PCDH9: variants seen among roughly 807,000 people sequenced by gnomAD.
PCDH9 encodes the protein protocadherin-9.
PCDH9 carries 24 observed loss-of-function variants against 70.6 expected under a neutral mutation model. The observed-to-expected ratio is 0.34, with a 90% CI of 0.25 to 0.48. The LOEUF (loss-of-function observed/expected upper bound fraction) is 0.48, where lower values mean the gene tolerates loss of function less well. Among genes scored for constraint, PCDH9 ranks in the 20% least tolerant of loss-of-function variants. The probability of loss-of-function intolerance (pLI) is 0.99; values close to 1 mark genes in which losing one functional copy is unlikely to be tolerated. For missense variants in PCDH9, 1,281 were observed against 1,503.6 expected, an observed-to-expected ratio of 0.85 and a Z score of 2.45; for synonymous variants, 562 against 558.5, an observed-to-expected ratio of 1.01 and a Z score of -0.09.
intron 2 of PCDH9, among the ~76,000 whole-genome samples, chr13:66,950,479 A>T (rs2083161410): frequency 1.3e-5 from 2 of 152,036 alleles, no homozygotes; most frequent in South Asian, 4.1e-4. Context: ...TCTTCATAAA[A>T]GATATATGTG....
chr13:66,673,090 T>C (rs2078198804), intron 3 of PCDH9, among the ~76,000 whole-genome samples: 2 of 152,242 alleles, frequency 1.3e-5, no homozygotes, highest in South Asian at 2.1e-4. Flanking sequence ...CAGGGCAAAA[T>C]GATATGGTTC....
intron 3 of PCDH9, among the ~76,000 whole-genome samples, chr13:66,803,557 C>A (rs1026547124): frequency 2.0e-5 from 3 of 152,138 alleles, no homozygotes; most frequent in African/African-American, 7.2e-5. Context: ...AATCACAAAA[C>A]CACTTGTTCA....
At chr13:67,182,905 G>A (rs938440124) in intron 2 of PCDH9, among the ~76,000 whole-genome samples, 2 of 152,118 alleles carry the variant, frequency 1.3e-5, no homozygotes, top group Non-Finnish European at 2.9e-5. Flanking sequence ...ATGTAGGAAG[G>A]ATCTAAATTC....
At chr13:66,314,032 C>T (rs1174381860) in intron 4 of PCDH9, among the ~76,000 whole-genome samples, 1 of 152,122 alleles carries the variant, frequency 6.6e-6, no homozygotes. Context: ...ATTAATATAT[C>T]ACAGCTCAGT....
intron 4 of PCDH9, among the ~76,000 whole-genome samples, chr13:66,396,703 G>C (rs1957107733): frequency 6.6e-6 from 1 of 152,164 alleles, no homozygotes; most frequent in African/African-American, 2.4e-5. Flanking sequence ...CACATACCAA[G>C]TTTACAGATG....
chr13:67,016,472 T>C (rs2084563876), intron 2 of PCDH9, among the ~76,000 whole-genome samples: 1 of 152,166 alleles, frequency 6.6e-6, no homozygotes, highest in South Asian at 2.1e-4. Context: ...ATAAATTGGA[T>C]TCACAAATAA....
intron 3 of PCDH9, among the ~76,000 whole-genome samples, chr13:66,650,098 C>G (rs1321379767): frequency 6.6e-6 from 1 of 151,512 alleles, no homozygotes; most frequent in Non-Finnish European, 1.5e-5. Flanking sequence ...ACAAAACAAC[C>G]AGAATACAAC....
intron 4 of PCDH9, among the ~76,000 whole-genome samples, chr13:66,335,472 T>G (rs1158832218): frequency 1.3e-5 from 2 of 152,240 alleles, no homozygotes; most frequent in East Asian, 1.9e-4. Flanking sequence ...AATGCTAACA[T>G]TTTTGCAGTA....
chr13:66,935,894 C>A (rs551509260), intron 2 of PCDH9, among the ~76,000 whole-genome samples: 10 of 151,870 alleles, frequency 6.6e-5, no homozygotes, highest in African/African-American at 1.9e-4. Context: ...TCCTGGCCAA[C>A]ATGGTGAAAC....
chr13:66,788,911 T>A (rs2080122200), intron 3 of PCDH9, among the ~76,000 whole-genome samples: 1 of 152,110 alleles, frequency 6.6e-6, no homozygotes, highest in South Asian at 2.1e-4. Flanking sequence ...TGTAGAATTG[T>A]CCTGGTTTTC....
At chr13:66,400,905 G>T (rs1452038482) in intron 4 of PCDH9, among the ~76,000 whole-genome samples, 2 of 152,288 alleles carry the variant, frequency 1.3e-5, no homozygotes, top group African/African-American at 4.8e-5. Flanking sequence ...GTTAAGACGA[G>T]TCCACCAGGG....
chr13:66,519,878 C>T (rs1392907307), intron 4 of PCDH9, among the ~76,000 whole-genome samples: 6 of 150,926 alleles, frequency 4.0e-5, no homozygotes, highest in African/African-American at 7.3e-5. Context: ...GACTGGTCGA[C>T]GGCAGTCCTA....
intron 3 of PCDH9, among the ~76,000 whole-genome samples, chr13:66,717,527 C>A (rs1375462523): frequency 8.3e-6 from 1 of 120,504 alleles, no homozygotes; most frequent in Non-Finnish European, 1.6e-5. Flanking sequence ...GTATAGGCTA[C>A]AAACCTTAGT....
chr13:66,896,473 T>C (rs955405735), intron 3 of PCDH9, among the ~76,000 whole-genome samples: 14 of 152,126 alleles, frequency 9.2e-5, no homozygotes, highest in African/African-American at 1.2e-4. Context: ...GAGGCTATTA[T>C]ATGTAAAATT....
intron 2 of PCDH9, among the ~76,000 whole-genome samples, chr13:67,110,292 G>A (rs2086631681): frequency 6.6e-6 from 1 of 151,940 alleles, no homozygotes; most frequent in Admixed American, 6.6e-5. Flanking sequence ...GGGAGGCCAA[G>A]GAAGGTGGAT....
At chr13:66,472,211 CAA>C (rs34935198) in intron 4 of PCDH9, among the ~76,000 whole-genome samples, 3,990 of 112,282 alleles carry the variant, frequency 0.036, 105 homozygotes, top group Admixed American at 0.086. Context: ...GACTCCATCT[CAA>C]AAAAAAAAAA....
intron 3 of PCDH9, among the ~76,000 whole-genome samples, chr13:66,889,849 C>T (rs1418213977): frequency 6.6e-6 from 1 of 152,016 alleles, no homozygotes; most frequent in Admixed American, 6.6e-5. Flanking sequence ...CTATGTACAT[C>T]GCTTTTTGGC....
chr13:66,306,549 T>C (rs1955469759), intron 4 of PCDH9, among the ~76,000 whole-genome samples: 1 of 151,328 alleles, frequency 6.6e-6, no homozygotes, highest in African/African-American at 2.4e-5. Flanking sequence ...AAAAAAATTG[T>C]TTAAAAACAG....
intron 2 of PCDH9, among the ~76,000 whole-genome samples, chr13:67,027,397 C>T (rs1343695147): frequency 1.3e-5 from 2 of 152,174 alleles, no homozygotes. Flanking sequence ...CCCTTCCTTA[C>T]ACCTTATACA....
Sources: gnomAD v4.1 joint callset for allele counts (sites outside exome capture counted in the v4.1 genomes callset) on GRCh38, gnomAD v4.1.1 for gene constraint, MANE v1.5 for transcripts, NCBI Gene and HGNC (gene_info 2026-07-23, HGNC 2026-07-21) for gene names.